PPP1R12B: variants seen among roughly 807,000 people sequenced by gnomAD.
The protein encoded by PPP1R12B is myosin phosphatase target subunit 2.
A neutral mutation model predicts 126.1 loss-of-function variants in PPP1R12B; 76 were observed. That is an observed-to-expected ratio of 0.60 (90% CI 0.50 to 0.73). The LOEUF is 0.73. Among genes scored for constraint, PPP1R12B ranks in the 30% least tolerant of loss-of-function variants. The pLI is 0.00. For synonymous variants in PPP1R12B, 356 were observed against 434.7 expected (o/e 0.82, Z 2.25); for missense variants, 1,052 against 1,205.1 (o/e 0.87, Z 1.88).
chr1:202,388,395 G>C (rs186552646), intron 1 of PPP1R12B, among the ~76,000 whole-genome samples: 133 of 152,206 alleles, frequency 8.7e-4, no homozygotes, highest in Non-Finnish European at 1.4e-3. Flanking sequence ...TAGTAGAGAT[G>C]AGGTTTCACC....
At chr1:202,438,493 G>A in intron 10 of PPP1R12B, 15 of 408,324 alleles carry the variant, frequency 3.7e-5, no homozygotes, top group South Asian at 3.1e-4. Context: ...GGTGGAGGAT[G>A]CAGAGGGCGA....
At chr1:202,464,508 G>A (rs1674731954) in intron 13 of PPP1R12B, among the ~76,000 whole-genome samples, 1 of 151,732 alleles carries the variant, frequency 6.6e-6, no homozygotes, top group Non-Finnish European at 1.5e-5. Context: ...ATTTTTTTTG[G>A]CACATGAAGG....
intron 1 of PPP1R12B, among the ~76,000 whole-genome samples, chr1:202,397,877 C>T (rs1310710323): frequency 1.3e-5 from 2 of 152,130 alleles, no homozygotes; most frequent in African/African-American, 2.4e-5. Context: ...ATAACAATGG[C>T]ACTGGCAAGA....
chr1:202,501,303 A>G (rs1367902940), intron 18 of PPP1R12B, among the ~76,000 whole-genome samples: 1 of 152,212 alleles, frequency 6.6e-6, no homozygotes, highest in Non-Finnish European at 1.5e-5. Flanking sequence ...AAGCATAGGT[A>G]CGCCACAGAA....
At chr1:202,573,574 A>G (rs559774066) in intron 23 of PPP1R12B, among the ~76,000 whole-genome samples, 70 of 152,224 alleles carry the variant, frequency 4.6e-4, no homozygotes, top group African/African-American at 1.6e-3. Context: ...GTGAAACCCC[A>G]TTTGCATAAA....
intron 18 of PPP1R12B, among the ~76,000 whole-genome samples, chr1:202,547,800 A>T (rs373201006): frequency 2.8e-4 from 43 of 152,342 alleles, no homozygotes; most frequent in African/African-American, 9.9e-4. Flanking sequence ...ATCAAAATCT[A>T]CAAATAATCA....
At chr1:202,438,976 G>A (rs1671227253) in intron 10 of PPP1R12B, 3 of 1,518,982 alleles carry the variant, frequency 2.0e-6, no homozygotes, top group Non-Finnish European at 2.7e-6. Flanking sequence ...TCACAGGGCA[G>A]GAGCGCATGG....
At chr1:202,512,157 A>G (rs1288548239) in intron 18 of PPP1R12B, among the ~76,000 whole-genome samples, 3 of 152,218 alleles carry the variant, frequency 2.0e-5, no homozygotes, top group Non-Finnish European at 4.4e-5. Flanking sequence ...AACCCTAGAA[A>G]AGAGCAGGAA....
intron 13 of PPP1R12B, among the ~76,000 whole-genome samples, chr1:202,450,196 T>G (rs187181713): frequency 6.6e-6 from 1 of 152,146 alleles, no homozygotes; most frequent in Admixed American, 6.5e-5. Context: ...GGATATAAAC[T>G]TTTGATTAAT....
chr1:202,416,850 C>T lies in PPP1R12B; in HGVS notation c.355C>T (p.Gln119Ter). ...GGTGGAGAACAGAGCCAATGTAAACCAGCAAGACAACGAGGGCTGGACACC... is the reference window on the plus strand; with the variant it reads ...GGTGGAGAACAGAGCCAATGTAAACTAGCAAGACAACGAGGGCTGGACACC... ...FLVENRANVNQQDNEGWTPLH... is the reference protein window; with the variant it reads ...FLVENRANVN The change falls in exon 2 of 24, where the codon CAG becomes TAG. Residue 119 changes from glutamine (Q) to a stop codon, truncating the protein, a stop_gained. Coordinates refer to ENST00000608999, the MANE Select transcript of PPP1R12B (RefSeq NM_002481.4). LOFTEE classifies it high-confidence loss of function. The T allele has an allele frequency of 6.2e-7, 1 of 1,614,006 alleles. No individual in the cohort carries two copies. Among genetic ancestry groups the T allele is most frequent in the Non-Finnish European group, 8.5e-7 (1 of 1,179,922 alleles).
At chr1:202,465,731 C>T (rs751382970) in intron 13 of PPP1R12B, among the ~76,000 whole-genome samples, 10 of 152,150 alleles carry the variant, frequency 6.6e-5, no homozygotes, top group Non-Finnish European at 1.0e-4. Flanking sequence ...CTCAGAGTCT[C>T]TTAAATAATA....
chr1:202,422,451 T>C (rs1390254041), intron 2 of PPP1R12B, among the ~76,000 whole-genome samples, 169 bp from the exon 3 acceptor site: 1 of 152,214 alleles, frequency 6.6e-6, no homozygotes, highest in East Asian at 1.9e-4. Context: ...AAGCCTTCAG[T>C]CTTAATTATT....
intron 18 of PPP1R12B, among the ~76,000 whole-genome samples, chr1:202,538,139 G>GCCC (rs1037562251): frequency 7.2e-5 from 11 of 152,246 alleles, no homozygotes; most frequent in Admixed American, 6.5e-4. Context: ...GACTACAGGT[G>GCCC]CCCCCCACAA....
chr1:202,390,916 T>G (rs556162513), intron 1 of PPP1R12B, among the ~76,000 whole-genome samples: 138 of 152,252 alleles, frequency 9.1e-4, no homozygotes, highest in African/African-American at 3.2e-3. Context: ...TTTGAAAAAT[T>G]AGCCAGGCAT....
At chr1:202,392,317 T>C (rs1448476829) in intron 1 of PPP1R12B, among the ~76,000 whole-genome samples, 1 of 152,152 alleles carries the variant, frequency 6.6e-6, no homozygotes, top group African/African-American at 2.4e-5. Flanking sequence ...AAATACTGAT[T>C]CATGCTACAG....
chr1:202,396,468 T>C (rs1180954344), intron 1 of PPP1R12B, among the ~76,000 whole-genome samples: 1 of 152,210 alleles, frequency 6.6e-6, no homozygotes, highest in South Asian at 2.1e-4. Context: ...ATATTCAATA[T>C]ATGGGGCAGT....
chr1:202,362,629 A>G (rs1353194231), intron 1 of PPP1R12B, among the ~76,000 whole-genome samples: 3 of 149,414 alleles, frequency 2.0e-5, no homozygotes, highest in Admixed American at 6.7e-5. Flanking sequence ...TAGCCAGTTC[A>G]TGACAGAATC....
At chr1:202,494,582 T>TAAA (rs35373351) in intron 15 of PPP1R12B, among the ~76,000 whole-genome samples, 8 of 127,688 alleles carry the variant, frequency 6.3e-5, no homozygotes, top group Non-Finnish European at 1.1e-4. Flanking sequence ...TTCTCAGGTT[T>TAAA]AAAAAAAAAA....
At chr1:202,471,795 G>GTT (rs201448061) in intron 13 of PPP1R12B, 1,073 of 1,005,070 alleles carry the variant, frequency 1.1e-3, no homozygotes, top group South Asian at 2.4e-3. Flanking sequence ...ATGGGTAAAA[G>GTT]TTTTTTTTTT....
Sources: allele counts gnomAD v4.1 joint callset (sites outside exome capture counted in the v4.1 genomes callset), GRCh38; gene constraint gnomAD v4.1.1; transcripts MANE v1.5; gene names NCBI Gene and HGNC (gene_info 2026-07-23, HGNC 2026-07-21).